ELOC: variants seen among roughly 807,000 people sequenced by gnomAD.
ELOC encodes the protein elongin C.
For synonymous variants in ELOC, 40 were observed against 51.3 expected, an observed-to-expected ratio of 0.78 and a Z score of 0.94; for missense variants, 38 against 139.0, an observed-to-expected ratio of 0.27 and a Z score of 3.65.
intron 1 of ELOC, among the ~76,000 whole-genome samples, chr8:73,968,653 T>C (rs1320299292): frequency 1.3e-5 from 2 of 152,244 alleles, no homozygotes; most frequent in Admixed American, 6.5e-5. Flanking sequence ...ATTTCAAATA[T>C]TGAATAAAAA....
At chr8:73,954,614 T>C (rs1814019599) in intron 3 of ELOC, among the ~76,000 whole-genome samples, 1 of 147,224 alleles carries the variant, frequency 6.8e-6, no homozygotes, top group Non-Finnish European at 1.5e-5. Flanking sequence ...ATCGTGCCAC[T>C]GCACTCCAGC....
At chr8:73,971,032 C>CAAAAAAAAAAAAAAAAA (rs67188912) in intron 1 of ELOC, among the ~76,000 whole-genome samples, 24 of 62,018 alleles carry the variant, frequency 3.9e-4, no homozygotes, top group Non-Finnish European at 6.0e-4. Flanking sequence ...GACTCCGTCT[C>CAAAAAAAAAAAAAAAAA]AAAAAAAAAA....
intron 2 of ELOC, among the ~76,000 whole-genome samples, chr8:73,957,969 G>C (rs1586606263): frequency 6.6e-6 from 1 of 151,838 alleles, no homozygotes; most frequent in Non-Finnish European, 1.5e-5. Context: ...TAGAGATGGG[G>C]TTTCACCATG....
At chr8:73,954,603 G>T (rs1331913855) in intron 3 of ELOC, among the ~76,000 whole-genome samples, 2 of 148,994 alleles carry the variant, frequency 1.3e-5, no homozygotes, top group African/African-American at 2.5e-5. Context: ...AGTGAGCCGA[G>T]ATCGTGCCAC....
At chr8:73,947,324 G>A (rs1813443221) in intron 3 of ELOC, among the ~76,000 whole-genome samples, 1 of 152,006 alleles carries the variant, frequency 6.6e-6, no homozygotes, top group Non-Finnish European at 1.5e-5. Context: ...GACAGAGATG[G>A]GCATAGAGGG....
intron 1 of ELOC, among the ~76,000 whole-genome samples, chr8:73,971,154 C>G (rs1815369980): frequency 6.6e-6 from 1 of 151,948 alleles, no homozygotes; most frequent in Non-Finnish European, 1.5e-5. Flanking sequence ...GCCTGTAACC[C>G]CAGCACTTTG....
chr8:73,949,994 T>C (rs985705275), intron 3 of ELOC, among the ~76,000 whole-genome samples: 4 of 152,118 alleles, frequency 2.6e-5, no homozygotes, highest in African/African-American at 2.4e-5. Context: ...ATGTTGTGTG[T>C]GTATATGAGG....
intron 1 of ELOC, among the ~76,000 whole-genome samples, chr8:73,964,317 A>C (rs914429265): frequency 1.3e-5 from 2 of 152,122 alleles, no homozygotes; most frequent in Non-Finnish European, 1.5e-5. Flanking sequence ...CAAAGGTCAA[A>C]GCGTATGGTG....
intron 3 of ELOC, among the ~76,000 whole-genome samples, chr8:73,951,275 G>A (rs1196888071): frequency 6.6e-6 from 1 of 152,002 alleles, no homozygotes; most frequent in East Asian, 1.9e-4. Flanking sequence ...CTGGCAAAAT[G>A]TTAATAACTA....
At chr8:73,969,908 T>G (rs1382543911) in intron 1 of ELOC, among the ~76,000 whole-genome samples, 1 of 152,236 alleles carries the variant, frequency 6.6e-6, no homozygotes, top group Non-Finnish European at 1.5e-5. Flanking sequence ...ATTCAGGCAT[T>G]ACTGGATGGG....
intron 1 of ELOC, among the ~76,000 whole-genome samples, chr8:73,962,902 A>G (rs1814703043): frequency 6.6e-6 from 1 of 152,234 alleles, no homozygotes; most frequent in Non-Finnish European, 1.5e-5. Flanking sequence ...AGAAATATTT[A>G]AAATATGATT....
chr8:73,960,251 A>G (rs1814500301), intron 1 of ELOC, among the ~76,000 whole-genome samples: 1 of 152,186 alleles, frequency 6.6e-6, no homozygotes, highest in Admixed American at 6.6e-5. Context: ...TTTTCTGGAT[A>G]AAGGCCTCCG....
intron 3 of ELOC, among the ~76,000 whole-genome samples, chr8:73,948,902 G>T (rs950290578): frequency 6.6e-6 from 1 of 151,702 alleles, no homozygotes; most frequent in African/African-American, 2.4e-5. Flanking sequence ...TTCAGGAAAG[G>T]AATTCCATTG....
intron 1 of ELOC, among the ~76,000 whole-genome samples, chr8:73,963,785 TAGAC>T (rs1368939468): frequency 6.6e-6 from 1 of 152,120 alleles, no homozygotes; most frequent in African/African-American, 2.4e-5. Flanking sequence ...ACAACTAGCT[TAGAC>T]AGGTATAAAA....
At chr8:73,948,191 T>C (rs976795501) in intron 3 of ELOC, among the ~76,000 whole-genome samples, 2 of 115,224 alleles carry the variant, frequency 1.7e-5, no homozygotes, top group African/African-American at 6.2e-5. Context: ...AAACTCCGTC[T>C]CAAAAAAAAA....
At chr8:73,969,136 C>T (rs1270863234) in intron 1 of ELOC, among the ~76,000 whole-genome samples, 1 of 152,160 alleles carries the variant, frequency 6.6e-6, no homozygotes, top group African/African-American at 2.4e-5. Flanking sequence ...AACTTTTCTA[C>T]TGCACATATT....
intron 1 of ELOC, among the ~76,000 whole-genome samples, chr8:73,960,489 C>CTT (rs1285328160): frequency 6.6e-6 from 1 of 152,120 alleles, no homozygotes; most frequent in Non-Finnish European, 1.5e-5. Context: ...TTTGAGGTGC[C>CTT]TTTTTTGATA....
At chr8:73,971,046 A>AAAAAAAAAAAAAAG (rs1009857839) in intron 1 of ELOC, among the ~76,000 whole-genome samples, 1 of 149,768 alleles carries the variant, frequency 6.7e-6, no homozygotes, top group African/African-American at 2.5e-5. Context: ...AAAAAAAAAA[A>AAAAAAAAAAAAAAG]AAAAAGAAAA....
At chr8:73,948,448 AT>A (rs1330132341) in intron 3 of ELOC, among the ~76,000 whole-genome samples, 3 of 152,102 alleles carry the variant, frequency 2.0e-5, no homozygotes, top group Non-Finnish European at 4.4e-5. Context: ...AGGTTTTCTG[AT>A]TTGGCTTTTC....
Sources: allele counts gnomAD v4.1 joint callset (sites outside exome capture counted in the v4.1 genomes callset), GRCh38; gene constraint gnomAD v4.1.1; transcripts MANE v1.5; gene names NCBI Gene and HGNC (gene_info 2026-07-23, HGNC 2026-07-21).